Variants in DLG2 observed in about 807,000 individuals in gnomAD.
DLG2 encodes disks large homolog 2.
In DLG2, 45 loss-of-function variants were observed where a neutral mutation model predicts 132.5. That is an observed-to-expected ratio of 0.34 (90% CI 0.27 to 0.44). The LOEUF is 0.44. Ranked by LOEUF, DLG2 falls within the 20% of genes least tolerant of loss-of-function variation. The probability of loss-of-function intolerance (pLI) is 1.00; values close to 1 mark genes in which losing one functional copy is unlikely to be tolerated. For synonymous variants in DLG2, 424 were observed against 419.6 expected, an observed-to-expected ratio of 1.01 and a Z score of -0.13; for missense variants, 1,045 against 1,196.9, an observed-to-expected ratio of 0.87 and a Z score of 1.87.
intron 6 of DLG2, among the ~76,000 whole-genome samples, chr11:85,096,293 C>T (rs2069757154): frequency 6.6e-6 from 1 of 152,208 alleles, no homozygotes; most frequent in Non-Finnish European, 1.5e-5. Flanking sequence ...AATCTTGCTG[C>T]TGCTCACTCT....
At chr11:85,331,574 A>G (rs1022211147) in intron 3 of DLG2, among the ~76,000 whole-genome samples, 5 of 152,136 alleles carry the variant, frequency 3.3e-5, no homozygotes, top group African/African-American at 7.2e-5. Context: ...CTAGGTAGTA[A>G]GCATAGTGCC....
chr11:85,482,100 C>T (rs962766994), intron 3 of DLG2, among the ~76,000 whole-genome samples: 3 of 152,084 alleles, frequency 2.0e-5, no homozygotes, highest in East Asian at 1.9e-4. Flanking sequence ...CCCCTGTGGC[C>T]CCAGGCTGCA....
chr11:84,216,510 G>T (rs964214939), intron 8 of DLG2, among the ~76,000 whole-genome samples: 7 of 152,142 alleles, frequency 4.6e-5, no homozygotes, highest in African/African-American at 1.7e-4. Flanking sequence ...ACAGGATATT[G>T]TAAAATGGAC....
At chr11:83,770,274 C>CTTTTTTTTTTTTTTTTTTTTTTTT (rs1594049476) in intron 18 of DLG2, among the ~76,000 whole-genome samples, 3 of 108,626 alleles carry the variant, frequency 2.8e-5, no homozygotes, top group Admixed American at 8.1e-5. Context: ...TGTTTTTTTG[C>CTTTTTTTTTTTTTTTTTTTTTTTT]TTTTTGTACA....
intron 4 of DLG2, among the ~76,000 whole-genome samples, chr11:85,234,714 C>A (rs1440287915): frequency 6.6e-6 from 1 of 151,986 alleles, no homozygotes; most frequent in Non-Finnish European, 1.5e-5. Flanking sequence ...TGGGTTAAGA[C>A]ATTTGGCCTG....
intron 3 of DLG2, among the ~76,000 whole-genome samples, chr11:85,545,091 G>C (rs568345340): frequency 1.3e-5 from 2 of 152,286 alleles, no homozygotes; most frequent in East Asian, 3.9e-4. Context: ...AATGCTTCCA[G>C]TTTTTGCCCA....
rs546231164 is a variant in DLG2, at chr11:84,472,594, T to C, written c.519+61976A>G. On this transcript the variant is annotated intron_variant, in intron 7 of 27. Coordinates refer to ENST00000376104, the MANE Select transcript of DLG2 (RefSeq NM_001142699.3). ...AATAAAAACAATTAAATCTGAATTA[T>C]TGGCAAAATGTATTTAACTTCAAGG... is the stretch of plus-strand genomic sequence containing the variant. Among the ~76,000 whole-genome samples the C allele has an allele frequency of 1.6e-4, 24 of 152,076 alleles. 1 individual carries two copies. The highest frequency in any genetic ancestry group is 5.8e-4 in the East Asian group (3 of 5,144).
chr11:83,739,556 T>G (rs888764815), intron 18 of DLG2, among the ~76,000 whole-genome samples: 1 of 151,966 alleles, frequency 6.6e-6, no homozygotes, highest in African/African-American at 2.4e-5. Flanking sequence ...CAATTCACAG[T>G]AGAAGATATT....
At chr11:84,873,349 T>C (rs982768073) in intron 6 of DLG2, among the ~76,000 whole-genome samples, 1 of 152,184 alleles carries the variant, frequency 6.6e-6, no homozygotes, top group Non-Finnish European at 1.5e-5. Flanking sequence ...ACAGATTCTC[T>C]CCCAGAACCT....
At chr11:83,513,405 T>C (rs1372743421) in intron 21 of DLG2, among the ~76,000 whole-genome samples, 3 of 152,210 alleles carry the variant, frequency 2.0e-5, no homozygotes, top group African/African-American at 4.8e-5. Context: ...TTTGTTGGAG[T>C]TCATTGTAGA....
chr11:84,387,420 G>C (rs1601201518), intron 7 of DLG2, among the ~76,000 whole-genome samples: 1 of 151,812 alleles, frequency 6.6e-6, no homozygotes, highest in East Asian at 1.9e-4. Flanking sequence ...TAATTATTAA[G>C]AAATTAGTTA....
In DLG2 at chr11:84,852,395, T is replaced by C. The variant is rs575845763; in HGVS notation, c.357+259266A>G. ...TTAATCCATGAAGGGCAAATAGGTG[T>C]AAACTCACATGCTAACACCAGCCTA... On this transcript the variant is annotated intron_variant, in intron 6 of 27. Coordinates refer to ENST00000376104, the MANE Select transcript of DLG2 (RefSeq NM_001142699.3). Among the ~76,000 whole-genome samples the C allele has an allele frequency of 1.3e-3, 202 of 152,174 alleles. 1 individual carries two copies. Among genetic ancestry groups the C allele is most frequent in the Non-Finnish European group, 2.5e-3 (167 of 67,980 alleles).
intron 19 of DLG2, among the ~76,000 whole-genome samples, chr11:83,594,161 T>C (rs1399098138): frequency 6.6e-6 from 1 of 152,218 alleles, no homozygotes; most frequent in African/African-American, 2.4e-5. Context: ...TTTCAGTCAA[T>C]GGTCTATGAG....
Position 83,739,805 on chromosome 11 carries a change from G to T in DLG2, c.1825+46885C>A, listed in dbSNP as rs66509934. The stretch of plus-strand genomic sequence containing the variant: ...GGGACCTCAGGGTACACCACAGTAT[G>T]GAGTTCCTTGGATTCTCATGGACTC... On this transcript the variant is annotated intron_variant, in intron 18 of 27. Coordinates refer to ENST00000376104, the MANE Select transcript of DLG2 (RefSeq NM_001142699.3). Among the ~76,000 whole-genome samples the T allele has an allele frequency of 3.0e-3, 464 of 152,164 alleles. 2 individuals carry two copies. Among genetic ancestry groups the T allele is most frequent in the East Asian group, 0.014 (70 of 5,180 alleles).
At chr11:83,512,510 A>G (rs1311349631) in intron 21 of DLG2, among the ~76,000 whole-genome samples, 1 of 152,090 alleles carries the variant, frequency 6.6e-6, no homozygotes, top group African/African-American at 2.4e-5. Flanking sequence ...ATTTTTATTT[A>G]ATTATTGCAT....
intron 6 of DLG2, among the ~76,000 whole-genome samples, chr11:84,755,405 G>A (rs2066726461): frequency 7.1e-6 from 1 of 141,692 alleles, no homozygotes; most frequent in African/African-American, 2.7e-5. Context: ...CATAGTCAAG[G>A]AAATTTTCAG....
intron 7 of DLG2, among the ~76,000 whole-genome samples, chr11:84,380,952 T>C (rs1297938618): frequency 6.6e-6 from 1 of 151,908 alleles, no homozygotes; most frequent in Non-Finnish European, 1.5e-5. Flanking sequence ...ATCTGATTCA[T>C]ATAGAATAAT....
At chr11:84,224,149 CTT>C (rs1442148827) in intron 8 of DLG2, among the ~76,000 whole-genome samples, 4 of 152,192 alleles carry the variant, frequency 2.6e-5, no homozygotes, top group African/African-American at 9.7e-5. Flanking sequence ...GTTATGAAGA[CTT>C]TGAGGAAGGA....
chr11:84,469,257 G>A (rs899897989), intron 7 of DLG2, among the ~76,000 whole-genome samples: 2 of 151,550 alleles, frequency 1.3e-5, no homozygotes, highest in African/African-American at 4.8e-5. Flanking sequence ...ACACACTGAA[G>A]GAATAGAGAA....
Sources: gnomAD v4.1 joint callset for allele counts (sites outside exome capture counted in the v4.1 genomes callset) on GRCh38, gnomAD v4.1.1 for gene constraint, MANE v1.5 for transcripts, NCBI Gene and HGNC (gene_info 2026-07-23, HGNC 2026-07-21) for gene names.